The following AGMO variants were observed in gnomAD, a reference collection of about 807,000 sequenced individuals.
The protein encoded by AGMO is glyceryl-ether monooxygenase.
AGMO carries 75 observed loss-of-function variants against 60.2 expected under a neutral mutation model. That is an observed-to-expected ratio of 1.25 (90% CI 1.03 to 1.51). AGMO has a LOEUF of 1.51. AGMO is among the 40% of genes most tolerant of loss of function. The pLI is 0.00. For missense variants in AGMO, 763 were observed against 525.5 expected (o/e 1.45, Z -4.42); for synonymous variants, 261 against 177.1 (o/e 1.47, Z -3.76).
chr7:15,241,891 G>A (rs1214507591), intron 12 of AGMO, among the ~76,000 whole-genome samples: 1 of 152,140 alleles, frequency 6.6e-6, no homozygotes. Context: ...GTTTTTGGAA[G>A]AATTCAGTTC....
intron 12 of AGMO, among the ~76,000 whole-genome samples, chr7:15,216,159 A>C (rs1353258111): frequency 6.6e-6 from 1 of 152,046 alleles, no homozygotes; most frequent in Non-Finnish European, 1.5e-5. Flanking sequence ...ACATAATACA[A>C]TCACACTCTA....
At chr7:15,514,725 A>G (rs975014875) in intron 3 of AGMO, among the ~76,000 whole-genome samples, 4 of 152,202 alleles carry the variant, frequency 2.6e-5, no homozygotes, top group African/African-American at 9.6e-5. Flanking sequence ...AAGTTCTAGT[A>G]GTATACTTTG....
chr7:15,352,067 A>G (rs376177785), intron 12 of AGMO, among the ~76,000 whole-genome samples: 1 of 152,234 alleles, frequency 6.6e-6, no homozygotes, highest in African/African-American at 2.4e-5. Context: ...AGCAGTTAAT[A>G]TGACAGAAGA....
intron 3 of AGMO, among the ~76,000 whole-genome samples, chr7:15,534,045 T>C (rs1270939579): frequency 2.0e-5 from 3 of 152,026 alleles, no homozygotes; most frequent in Admixed American, 1.3e-4. Context: ...AAAGTTACAT[T>C]TTAGAAGCTA....
At chr7:15,488,669 G>A (rs569689725) in intron 3 of AGMO, among the ~76,000 whole-genome samples, 128 of 152,226 alleles carry the variant, frequency 8.4e-4, no homozygotes, top group African/African-American at 3.0e-3. Flanking sequence ...TGAACAGATA[G>A]TAGGTACTTA....
intron 12 of AGMO, among the ~76,000 whole-genome samples, chr7:15,351,485 G>A (rs1217842439): frequency 6.6e-6 from 1 of 152,132 alleles, no homozygotes; most frequent in Non-Finnish European, 1.5e-5. Flanking sequence ...ATAAAAATGT[G>A]CATGTAAAAT....
chr7:15,203,405 A>C (rs1309919850), intron 12 of AGMO, among the ~76,000 whole-genome samples: 2 of 152,164 alleles, frequency 1.3e-5, no homozygotes. Context: ...GTAAATCACA[A>C]AAATCTTCCC....
chr7:15,389,973 C>T (rs533124387), intron 8 of AGMO, among the ~76,000 whole-genome samples: 5 of 152,134 alleles, frequency 3.3e-5, no homozygotes, highest in Non-Finnish European at 5.9e-5. Flanking sequence ...ATGTTGTAAC[C>T]AGTCCCCCGT....
chr7:15,353,925 A>G (rs1333881042), intron 12 of AGMO, among the ~76,000 whole-genome samples: 1 of 152,152 alleles, frequency 6.6e-6, no homozygotes, highest in African/African-American at 2.4e-5. Context: ...TTATTCTCTT[A>G]GGTGTGGATT....
At chr7:15,257,174 G>T (rs951310212) in intron 12 of AGMO, among the ~76,000 whole-genome samples, 1 of 151,722 alleles carries the variant, frequency 6.6e-6, no homozygotes, top group African/African-American at 2.4e-5. Context: ...ACTCTAAAGG[G>T]GTGAAAAATG....
At chr7:15,354,423 CACACACGTGTGTGTAT>C (rs1418134928) in intron 12 of AGMO, among the ~76,000 whole-genome samples, 3 of 27,458 alleles carry the variant, frequency 1.1e-4, no homozygotes, top group Non-Finnish European at 1.7e-4. Flanking sequence ...TGTGTGTATA[CACACACGTGTGTGTAT>C]ACACACGTGT....
At chr7:15,512,012 CA>C (rs10716312) in intron 3 of AGMO, among the ~76,000 whole-genome samples, 1,621 of 140,762 alleles carry the variant, frequency 0.012, 17 homozygotes, top group African/African-American at 0.038. Context: ...AGAATACACA[CA>C]AAAAAAAAAA....
At chr7:15,342,633 G>C (rs1781891653) in intron 12 of AGMO, among the ~76,000 whole-genome samples, 1 of 151,544 alleles carries the variant, frequency 6.6e-6, no homozygotes, top group African/African-American at 2.4e-5. Flanking sequence ...ACAGATTTCG[G>C]CTTTCTCTCC....
At chr7:15,361,593 A>G (rs944067423) in intron 12 of AGMO, among the ~76,000 whole-genome samples, 1 of 151,280 alleles carries the variant, frequency 6.6e-6, no homozygotes. Context: ...TATGCTCATT[A>G]AAGAATACAT....
chr7:15,428,004 G>A (rs1781118810), intron 4 of AGMO, among the ~76,000 whole-genome samples: 1 of 152,142 alleles, frequency 6.6e-6, no homozygotes, highest in South Asian at 2.1e-4. Flanking sequence ...ACATTTCAAT[G>A]TGAAATGAGC....
At chr7:15,244,006 C>T (rs1245349047) in intron 12 of AGMO, among the ~76,000 whole-genome samples, 4 of 152,118 alleles carry the variant, frequency 2.6e-5, no homozygotes, top group African/African-American at 9.7e-5. Context: ...TTGAAACATC[C>T]CTCCACTCTG....
At chr7:15,491,426 T>A (rs1396442444) in intron 3 of AGMO, among the ~76,000 whole-genome samples, 1 of 152,186 alleles carries the variant, frequency 6.6e-6, no homozygotes, top group Non-Finnish European at 1.5e-5. Flanking sequence ...TAGTTGAGAT[T>A]GGAAATAAGT....
At chr7:15,161,861 C>A in the AGMO span, among the ~76,000 whole-genome samples, 2 of 151,910 alleles carry the variant, frequency 1.3e-5, no homozygotes, top group African/African-American at 2.4e-5. Context: ...AGACATTGTT[C>A]TTGTCTTCAT....
chr7:15,301,573 G>A (rs571336021), intron 12 of AGMO, among the ~76,000 whole-genome samples: 1 of 151,776 alleles, frequency 6.6e-6, no homozygotes, highest in Non-Finnish European at 1.5e-5. Flanking sequence ...TACAATAAGT[G>A]GTAATTTAAA....
Sources: allele counts gnomAD v4.1 joint callset (sites outside exome capture counted in the v4.1 genomes callset), GRCh38; gene constraint gnomAD v4.1.1; transcripts MANE v1.5; gene names NCBI Gene and HGNC (gene_info 2026-07-23, HGNC 2026-07-21).